The following RUFY2 variants were observed in gnomAD, a reference collection of about 807,000 sequenced individuals.
The protein encoded by RUFY2 is RUN and FYVE domain-containing protein 2.
A neutral mutation model predicts 94.4 loss-of-function variants in RUFY2; 49 were observed. That is an observed-to-expected ratio of 0.52 (90% CI 0.41 to 0.66). RUFY2 has a LOEUF of 0.66. Ranked by LOEUF, RUFY2 falls within the 30% of genes least tolerant of loss-of-function variation. The pLI, the probability that RUFY2 is intolerant of heterozygous loss-of-function variation, is 0.00. For missense variants in RUFY2, 541 were observed against 692.8 expected, an observed-to-expected ratio of 0.78 and a Z score of 2.46; for synonymous variants, 255 against 235.7, an observed-to-expected ratio of 1.08 and a Z score of -0.75.
chr10:68,405,939 T>C (rs2051259607), intron 1 of RUFY2, among the ~76,000 whole-genome samples: 1 of 152,142 alleles, frequency 6.6e-6, no homozygotes, highest in Non-Finnish European at 1.5e-5. Flanking sequence ...TCAAGTAAGA[T>C]ATTTTCAATT....
chr10:68,342,707 AC>A (rs1273542265), downstream of RUFY2: 1 of 152,522 alleles, frequency 6.6e-6, no homozygotes, highest in African/African-American at 2.4e-5. Context: ...TTGGAGTAAA[AC>A]CCCTTCAGCA....
At chr10:68,396,108 C>T (rs2050372837) in intron 4 of RUFY2, among the ~76,000 whole-genome samples, 1 of 152,232 alleles carries the variant, frequency 6.6e-6, no homozygotes, top group African/African-American at 2.4e-5. Flanking sequence ...ATGTGATTCT[C>T]CTGCCTCAGC....
chr10:68,390,192 C>T (rs1385554198), intron 7 of RUFY2, among the ~76,000 whole-genome samples: 1 of 152,042 alleles, frequency 6.6e-6, no homozygotes, highest in Non-Finnish European at 1.5e-5. Context: ...ATTAAAACTC[C>T]ATTTAAAAAA....
At chr10:68,365,002 A>G (rs2047706156) in intron 13 of RUFY2, among the ~76,000 whole-genome samples, 1 of 152,100 alleles carries the variant, frequency 6.6e-6, no homozygotes, top group Non-Finnish European at 1.5e-5. Flanking sequence ...TCTACTAACA[A>G]TACTACAGTT....
At position 68,344,295 on chromosome 10, in the gene RUFY2, CT is replaced by C. The variant is rs1207092537; in HGVS notation, c.*1472del. ...GATCCTGCAGTATTAATAAGAACTC[CT>C]TTGTAGGCAGGGAGGTACCTAGGAT... is the stretch of plus-strand genomic sequence containing the variant. On this transcript the variant is annotated 3_prime_UTR_variant, in exon 18 of 18. Coordinates refer to ENST00000602465, the MANE Select transcript of RUFY2 (RefSeq NM_001330103.2). The C allele has an allele frequency of 6.6e-6, 1 of 152,110 alleles. No homozygotes were observed. The highest frequency in any genetic ancestry group is 1.9e-4 in the East Asian group (1 of 5,188). The allele number at this position is 152,110 out of a possible 1,614,324, so 9.4% of individuals were successfully genotyped here.
intron 13 of RUFY2, 131 bp from the exon 14 acceptor site, chr10:68,364,244 TCA>T: frequency 1.2e-6 from 1 of 860,226 alleles, no homozygotes; most frequent in Non-Finnish European, 1.7e-6. Flanking sequence ...ACATTTTCTT[TCA>T]CAAATATTTT....
chr10:68,352,752 A>T (rs1474050525), intron 16 of RUFY2, among the ~76,000 whole-genome samples: 3 of 151,760 alleles, frequency 2.0e-5, no homozygotes, highest in Admixed American at 6.6e-5. Context: ...AATATGGTGA[A>T]ACCCCATCTC....
intron 6 of RUFY2, 70 bp downstream of exon 6, chr10:68,394,005 G>A (rs1477212213): frequency 4.1e-6 from 6 of 1,452,626 alleles, no homozygotes; most frequent in Non-Finnish European, 5.5e-6. Flanking sequence ...GTAAATAGAT[G>A]GATCTTATAA....
At chr10:68,391,077 G>A (rs772021274) in intron 7 of RUFY2, among the ~76,000 whole-genome samples, 3 of 151,834 alleles carry the variant, frequency 2.0e-5, no homozygotes, top group Non-Finnish European at 4.4e-5. Context: ...TGGAACTACA[G>A]GCACATGCCA....
intron 7 of RUFY2, among the ~76,000 whole-genome samples, chr10:68,389,383 G>T (rs2049804563): frequency 6.6e-6 from 1 of 150,968 alleles, no homozygotes; most frequent in African/African-American, 2.4e-5. Context: ...ACGAAGTCAG[G>T]AGTTCAAGAC....
rs66465620 is a variant in RUFY2 at position 68,347,278 on chromosome 10, CTTTTT to C, written c.1600-1199_1600-1195del. ...AAGCAGTATTTATGACAACTTGACCCTTTTTTTTTTTTTTTTTTTTTTTGAAAAGA... is the reference window on the plus strand; with the variant it reads ...AAGCAGTATTTATGACAACTTGACCCTTTTTTTTTTTTTTTTTTGAAAAGA... On this transcript the variant is annotated intron_variant, in intron 16 of 17. Transcript: ENST00000602465. Among the ~76,000 whole-genome samples the C allele has an allele frequency of 3.5e-5, 3 of 86,554 alleles. No homozygotes were observed. The East Asian group carries it at 1.3e-3, about 37-fold the overall frequency. The allele number at this position is 86,554 out of a possible 152,430, so 56.8% of individuals were successfully genotyped here. A position where few individuals can be genotyped will look rare whatever the true frequency, so the allele number is the denominator to read the frequency against.
chr10:68,398,217 A>G (rs2050547434), intron 3 of RUFY2, among the ~76,000 whole-genome samples: 1 of 152,102 alleles, frequency 6.6e-6, no homozygotes, highest in Non-Finnish European at 1.5e-5. Context: ...TTTAAAAATC[A>G]TAACAAAGCT....
At chr10:68,380,560 G>A (rs189342051) in intron 11 of RUFY2, among the ~76,000 whole-genome samples, 18 of 151,488 alleles carry the variant, frequency 1.2e-4, no homozygotes, top group Non-Finnish European at 2.1e-4. Flanking sequence ...CAATATCATC[G>A]TACAAAACTC....
At chr10:68,352,830 G>A (rs1162696255) in intron 16 of RUFY2, among the ~76,000 whole-genome samples, 1 of 152,046 alleles carries the variant, frequency 6.6e-6, no homozygotes, top group East Asian at 1.9e-4. Context: ...TGAGGCAGGA[G>A]GATCACTTGA....
downstream of RUFY2, chr10:68,341,309 C>G (rs151237508): frequency 6.3e-7 from 1 of 1,598,192 alleles, no homozygotes; most frequent in Non-Finnish European, 8.5e-7. Flanking sequence ...AAATAACATG[C>G]GTAAGTGGTG....
intron 8 of RUFY2, among the ~76,000 whole-genome samples, chr10:68,385,793 T>C (rs2049451613): frequency 6.6e-6 from 1 of 152,150 alleles, no homozygotes; most frequent in Non-Finnish European, 1.5e-5. Flanking sequence ...TACTGAAGAA[T>C]TTGTGTGAGT....
intron 16 of RUFY2, among the ~76,000 whole-genome samples, chr10:68,352,050 G>A (rs1368496001): frequency 6.8e-6 from 1 of 146,790 alleles, no homozygotes; most frequent in Non-Finnish European, 1.5e-5. Context: ...GAGCAAGACT[G>A]TCTCAAAAAA....
chr10:68,374,034 T>A (rs946199144), intron 13 of RUFY2, among the ~76,000 whole-genome samples: 1 of 149,716 alleles, frequency 6.7e-6, no homozygotes, highest in Non-Finnish European at 1.5e-5. Flanking sequence ...GGAGGATTGC[T>A]TGAGCCTAGG....
At position 68,379,965 on chromosome 10, in the gene RUFY2, G is replaced by A. The variant is rs899837833; in HGVS notation, c.1108-444C>T. Among the ~76,000 whole-genome samples, 16 of 151,942 alleles carry A rather than the reference G, an allele frequency of 1.1e-4. No homozygotes were observed. In the South Asian group the frequency reaches 1.5e-3, roughly 14 times the overall value. ...TGGGAATACAGGTGCCCGCCACTGC[G>A]CCCAGCTAATTTTTTTGTATTCTTA... On this transcript the variant is annotated intron_variant, in intron 11 of 17. Coordinates refer to ENST00000602465, the MANE Select transcript of RUFY2 (RefSeq NM_001330103.2).
Sources: allele counts gnomAD v4.1 joint callset (sites outside exome capture counted in the v4.1 genomes callset), GRCh38; gene constraint gnomAD v4.1.1; transcripts MANE v1.5; gene names NCBI Gene and HGNC (gene_info 2026-07-23, HGNC 2026-07-21).